The following RTL4 variants were observed in gnomAD, a reference collection of about 807,000 sequenced individuals.
The protein encoded by RTL4 is retrotransposon Gag-like protein 4.
A neutral mutation model predicts 5.3 loss-of-function variants in RTL4; 4 were observed. The ratio of observed to expected loss-of-function variants is 0.75; its 90% CI spans 0.37 to 1.72. RTL4 has a LOEUF of 1.72. Ranked by LOEUF, RTL4 falls within the 40% of genes most tolerant of loss-of-function variation. The probability of loss-of-function intolerance (pLI) is 0.04; values close to 1 mark genes in which losing one functional copy is unlikely to be tolerated. For synonymous variants in RTL4, 98 were observed against 87.3 expected (o/e 1.12, Z -0.68); for missense variants, 260 against 227.1 (o/e 1.14, Z -0.93).
the RTL4 span, among the ~76,000 whole-genome samples, chrX:112,354,117 G>A: frequency 9.0e-6 from 1 of 111,067 alleles, no homozygotes; most frequent in Non-Finnish European, 1.9e-5. Context: ...GTCTAAAGCT[G>A]GAGAGACTTT....
chrX:112,391,807 G>A, the RTL4 span, among the ~76,000 whole-genome samples: 930 of 111,260 alleles, frequency 8.4e-3, 10 homozygotes, highest in African/African-American at 0.029. Flanking sequence ...AGCTCTAGGT[G>A]CAATCTCAGT....
the RTL4 span, among the ~76,000 whole-genome samples, chrX:112,099,178 A>C: frequency 8.9e-6 from 1 of 111,963 alleles, no homozygotes; most frequent in Non-Finnish European, 1.9e-5. Context: ...AAACTCAAAC[A>C]AATTTACCAG....
chrX:112,278,656 C>A, the RTL4 span, among the ~76,000 whole-genome samples: 4 of 111,543 alleles, frequency 3.6e-5, no homozygotes, highest in Admixed American at 1.9e-4. Flanking sequence ...CCCATTCATG[C>A]TGTAAGAACT....
At chrX:112,107,818 C>A in the RTL4 span, among the ~76,000 whole-genome samples, 1 of 111,688 alleles carries the variant, frequency 9.0e-6, no homozygotes, top group Admixed American at 9.5e-5. Flanking sequence ...GATTAGAAAT[C>A]TTTGGCTGTC....
the RTL4 span, among the ~76,000 whole-genome samples, chrX:112,127,432 A>C: frequency 2.7e-5 from 3 of 111,733 alleles, no homozygotes; most frequent in Non-Finnish European, 5.6e-5. Context: ...GAATTTTCTC[A>C]ACATCATAAA....
chrX:112,287,402 C>T, the RTL4 span, among the ~76,000 whole-genome samples: 1 of 111,760 alleles, frequency 8.9e-6, no homozygotes, highest in African/African-American at 3.2e-5. Context: ...TAAGTTTGTT[C>T]CCACATAGAC....
the RTL4 span, among the ~76,000 whole-genome samples, chrX:112,268,971 A>G: frequency 6.2e-5 from 7 of 112,180 alleles, no homozygotes; most frequent in Non-Finnish European, 1.1e-4. Context: ...TGCCGTTTGA[A>G]TGCAGAGTTT....
the RTL4 span, among the ~76,000 whole-genome samples, chrX:112,313,443 C>T: frequency 1.8e-5 from 2 of 111,158 alleles, no homozygotes; most frequent in African/African-American, 3.3e-5. Context: ...ACACCCTGCA[C>T]AGTGGGTGCT....
At chrX:112,429,436 C>T in the RTL4 span, among the ~76,000 whole-genome samples, 7 of 111,048 alleles carry the variant, frequency 6.3e-5, no homozygotes, top group South Asian at 3.8e-4. Context: ...TCATGGATAA[C>T]ACAAGTACCT....
chrX:112,117,397 G>GGTAAATACACTATTTACCATATAATCA, the RTL4 span, among the ~76,000 whole-genome samples: 13 of 107,041 alleles, frequency 1.2e-4, no homozygotes, highest in African/African-American at 4.2e-4. Flanking sequence ...CCATATAATC[G>GGTAAATACACTATTTACCATATAATCA]TTATATGGTA....
At chrX:112,326,157 T>C in the RTL4 span, among the ~76,000 whole-genome samples, 144 of 111,766 alleles carry the variant, frequency 1.3e-3, no homozygotes, top group Non-Finnish European at 2.4e-3. Flanking sequence ...GGAGCCAAGA[T>C]GGCCGAATAG....
upstream of RTL4, among the ~76,000 whole-genome samples, chrX:112,452,654 T>G (rs886676030): frequency 3.6e-5 from 4 of 111,749 alleles, no homozygotes; most frequent in Non-Finnish European, 7.5e-5. Flanking sequence ...ATTGGAAATA[T>G]TTTGGAAGTA....
chrX:112,205,583 G>C, the RTL4 span, among the ~76,000 whole-genome samples: 1 of 110,552 alleles, frequency 9.0e-6, no homozygotes, highest in Non-Finnish European at 1.9e-5. Flanking sequence ...TAGAGTGTGT[G>C]TTCACAGATA....
chrX:112,226,149 TGTAA>T, the RTL4 span, among the ~76,000 whole-genome samples: 1 of 112,080 alleles, frequency 8.9e-6, no homozygotes, highest in Admixed American at 9.5e-5. Flanking sequence ...TGAATGCAAA[TGTAA>T]GTGTCAGGGC....
At chrX:112,212,274 G>A in the RTL4 span, among the ~76,000 whole-genome samples, 1 of 111,551 alleles carries the variant, frequency 9.0e-6, no homozygotes, top group Non-Finnish European at 1.9e-5. Flanking sequence ...ATGCTCGGGA[G>A]GCTGAGGCAG....
At chrX:112,121,286 T>C in the RTL4 span, among the ~76,000 whole-genome samples, 1 of 111,774 alleles carries the variant, frequency 8.9e-6, no homozygotes, top group Non-Finnish European at 1.9e-5. Flanking sequence ...AAAAACTAAG[T>C]TGAATGAAAA....
chrX:112,377,854 A>T, the RTL4 span, among the ~76,000 whole-genome samples: 1 of 111,946 alleles, frequency 8.9e-6, no homozygotes, highest in Non-Finnish European at 1.9e-5. Context: ...TTTAGACCCC[A>T]CGTGTTTTAG....
the RTL4 span, among the ~76,000 whole-genome samples, chrX:112,316,047 T>C: frequency 0.042 from 4,668 of 112,155 alleles, 250 homozygotes; most frequent in African/African-American, 0.14. Context: ...CCAACTTTAA[T>C]GCCCACCTGC....
At chrX:112,108,123 T>C in the RTL4 span, among the ~76,000 whole-genome samples, 1 of 111,705 alleles carries the variant, frequency 9.0e-6, no homozygotes, top group Admixed American at 9.5e-5. Context: ...ATTTCATTCA[T>C]TGTACTTTGC....
Sources: gnomAD v4.1 joint callset for allele counts (sites outside exome capture counted in the v4.1 genomes callset) on GRCh38, gnomAD v4.1.1 for gene constraint, MANE v1.5 for transcripts, NCBI Gene and HGNC (gene_info 2026-07-23, HGNC 2026-07-21) for gene names.